Variants in CTNNA3 observed in about 807,000 individuals in gnomAD.
CTNNA3 encodes catenin alpha-3.
In CTNNA3, 76 loss-of-function variants were observed where a neutral mutation model predicts 95.7. That is an observed-to-expected ratio of 0.79 (90% CI 0.66 to 0.96). CTNNA3 has a LOEUF of 0.96. Among genes scored for constraint, CTNNA3 ranks in the 40% least tolerant of loss-of-function variants. The pLI is 0.00. For missense variants in CTNNA3, 1,191 were observed against 1,089.8 expected (o/e 1.09, Z -1.31); for synonymous variants, 431 against 374.4 (o/e 1.15, Z -1.74).
At chr10:66,391,664 C>T (rs964197878) in intron 11 of CTNNA3, among the ~76,000 whole-genome samples, 1 of 152,046 alleles carries the variant, frequency 6.6e-6, no homozygotes, top group Non-Finnish European at 1.5e-5. Context: ...ATCCTAAAGG[C>T]TATAGCTTCA....
chr10:66,990,746 TTA>T (rs1447192889), intron 7 of CTNNA3, among the ~76,000 whole-genome samples: 1 of 152,196 alleles, frequency 6.6e-6, no homozygotes, highest in Admixed American at 6.5e-5. Context: ...ATCTGGAATT[TTA>T]TGTCTCACTA....
At chr10:67,566,915 G>A (rs939757080) in intron 3 of CTNNA3, among the ~76,000 whole-genome samples, 14 of 150,566 alleles carry the variant, frequency 9.3e-5, no homozygotes, top group East Asian at 3.9e-4. Flanking sequence ...GTAAACTATC[G>A]CAAGGACAAA....
chr10:66,718,036 AAAAC>A (rs1848508086), intron 9 of CTNNA3, among the ~76,000 whole-genome samples: 1 of 152,226 alleles, frequency 6.6e-6, no homozygotes, highest in Non-Finnish European at 1.5e-5. Context: ...GTTATGAAGA[AAAAC>A]AAAAGCCAAC....
chr10:67,341,036 T>C (rs1842164998), intron 5 of CTNNA3, among the ~76,000 whole-genome samples: 1 of 152,176 alleles, frequency 6.6e-6, no homozygotes, highest in South Asian at 2.1e-4. Context: ...TATAGGTTTT[T>C]ATTTATTTTT....
At chr10:66,734,527 T>C (rs1246858531) in intron 9 of CTNNA3, among the ~76,000 whole-genome samples, 4 of 152,198 alleles carry the variant, frequency 2.6e-5, no homozygotes, top group Non-Finnish European at 4.4e-5. Flanking sequence ...TGATTAGTTA[T>C]ATAAAACTCT....
At chr10:66,597,578 CAAAT>C (rs1267930767) in intron 10 of CTNNA3, among the ~76,000 whole-genome samples, 2 of 109,474 alleles carry the variant, frequency 1.8e-5, no homozygotes, top group Non-Finnish European at 3.9e-5. Context: ...TTAAAAATAA[CAAAT>C]AAATAATAAA....
chr10:66,422,264 T>G (rs985747216), intron 11 of CTNNA3, among the ~76,000 whole-genome samples: 3 of 152,170 alleles, frequency 2.0e-5, no homozygotes, highest in East Asian at 1.9e-4. Flanking sequence ...TAATAAGATT[T>G]GAAAATATAT....
chr10:66,549,481 C>T (rs1842147339), intron 10 of CTNNA3, among the ~76,000 whole-genome samples: 1 of 152,022 alleles, frequency 6.6e-6, no homozygotes, highest in African/African-American at 2.4e-5. Context: ...CATCTGTTTT[C>T]TATTTCATTG....
intron 15 of CTNNA3, among the ~76,000 whole-genome samples, chr10:66,051,999 G>C (rs1350688871): frequency 1.3e-5 from 2 of 151,966 alleles, no homozygotes; most frequent in African/African-American, 4.8e-5. Flanking sequence ...TGTTATTATA[G>C]ATAGAAAAAA....
intron 5 of CTNNA3, among the ~76,000 whole-genome samples, chr10:67,308,509 C>CT (rs1840652468): frequency 6.6e-6 from 1 of 152,176 alleles, no homozygotes; most frequent in African/African-American, 2.4e-5. Flanking sequence ...ATCTCTCTTT[C>CT]TTTATAAATT....
At chr10:66,830,662 T>C (rs1330291098) in intron 7 of CTNNA3, among the ~76,000 whole-genome samples, 1 of 151,726 alleles carries the variant, frequency 6.6e-6, no homozygotes, top group Non-Finnish European at 1.5e-5. Context: ...CAGGCTGGAG[T>C]GCAGTGGTGC....
chr10:67,550,566 T>C (rs1840987765), intron 3 of CTNNA3, among the ~76,000 whole-genome samples: 2 of 151,454 alleles, frequency 1.3e-5, no homozygotes, highest in Admixed American at 6.6e-5. Context: ...AAGAAATTAT[T>C]TAAAGAATAA....
At chr10:66,892,772 G>A (rs1004118538) in intron 7 of CTNNA3, among the ~76,000 whole-genome samples, 2 of 152,088 alleles carry the variant, frequency 1.3e-5, no homozygotes, top group Admixed American at 1.3e-4. Context: ...TGTGAAATAT[G>A]ATCAACTGAT....
intron 7 of CTNNA3, among the ~76,000 whole-genome samples, chr10:66,943,472 C>T (rs10997449): frequency 0.59 from 88,710 of 151,076 alleles, 27,793 homozygotes; most frequent in Admixed American, 0.69. Flanking sequence ...TTCCTGAAAT[C>T]CTGGGAAGCC....
chr10:67,118,594 G>A (rs996819680), intron 7 of CTNNA3, among the ~76,000 whole-genome samples: 1 of 151,774 alleles, frequency 6.6e-6, no homozygotes, highest in Non-Finnish European at 1.5e-5. Context: ...TAATTATTGT[G>A]CATAGAAAGA....
intron 12 of CTNNA3, among the ~76,000 whole-genome samples, chr10:66,300,619 T>C (rs920565326): frequency 6.6e-5 from 10 of 151,750 alleles, no homozygotes; most frequent in Admixed American, 2.0e-4. Context: ...CTAAAATCTG[T>C]AATTCCAGTG....
chr10:66,185,107 T>C (rs1003851726), intron 13 of CTNNA3, among the ~76,000 whole-genome samples: 1 of 152,214 alleles, frequency 6.6e-6, no homozygotes, highest in African/African-American at 2.4e-5. Flanking sequence ...ATAAGACCTC[T>C]CCTATCTTTC....
intron 1 of CTNNA3, among the ~76,000 whole-genome samples, chr10:67,681,499 C>G (rs1034596989): frequency 1.3e-5 from 2 of 152,028 alleles, no homozygotes; most frequent in African/African-American, 4.8e-5. Context: ...TTACTCCCTG[C>G]TCACTCTTTT....
chr10:67,590,756 G>A lies in CTNNA3; in HGVS notation c.292+16101C>T, dbSNP rs577806646. On this transcript the variant is annotated intron_variant, in intron 3 of 17. Coordinates refer to ENST00000433211, the MANE Select transcript of CTNNA3 (RefSeq NM_013266.4). ...TTTTCTTTTTGATTTGTGAAGGTTCGCTATATGTTCTTGTTACAAATCCCT... is the reference window on the plus strand; with the variant it reads ...TTTTCTTTTTGATTTGTGAAGGTTCACTATATGTTCTTGTTACAAATCCCT... Among the ~76,000 whole-genome samples, 90 of 151,966 alleles carry A rather than the reference G, an allele frequency of 5.9e-4. 1 individual carries two copies. Among genetic ancestry groups the A allele is most frequent in the African/African-American group, 1.7e-3 (72 of 41,498 alleles).
Sources: gnomAD v4.1 joint callset for allele counts (sites outside exome capture counted in the v4.1 genomes callset) on GRCh38, gnomAD v4.1.1 for gene constraint, MANE v1.5 for transcripts, NCBI Gene and HGNC (gene_info 2026-07-23, HGNC 2026-07-21) for gene names.